SLC6A5: variants seen among roughly 807,000 people sequenced by gnomAD.
SLC6A5 encodes sodium- and chloride-dependent glycine transporter 2.
SLC6A5 carries 58 observed loss-of-function variants against 90.5 expected under a neutral mutation model. The ratio of observed to expected loss-of-function variants is 0.64; its 90% CI spans 0.52 to 0.80. The LOEUF is 0.80. Ranked by LOEUF, SLC6A5 falls within the 30% of genes least tolerant of loss-of-function variation. The pLI, the probability that SLC6A5 is intolerant of heterozygous loss-of-function variation, is 0.00. For synonymous variants in SLC6A5, 427 were observed against 401.4 expected, an observed-to-expected ratio of 1.06 and a Z score of -0.76; for missense variants, 1,015 against 1,017.6, an observed-to-expected ratio of 1.00 and a Z score of 0.03.
chr11:20,626,557 T>A, intron 7 of SLC6A5, 151 bp from the exon 8 acceptor site: 3 of 806,518 alleles, frequency 3.7e-6, no homozygotes, highest in Non-Finnish European at 6.1e-6. Context: ...GTGCCTTCCC[T>A]GCTTCCCCAG....
Position 20,655,084 on chromosome 11 carries a change from A to G in SLC6A5, c.*216A>G. On this transcript the variant is annotated 3_prime_UTR_variant, in exon 16 of 16. Coordinates refer to ENST00000525748, the MANE Select transcript of SLC6A5 (RefSeq NM_004211.5). Reference sequence around the variant, plus strand: ...CCTGAAGCGCTGTTTGCCTGTGCCCATGGTGACTGTTTCTGGTCAGGTTGG... The same window carrying G: ...CCTGAAGCGCTGTTTGCCTGTGCCCGTGGTGACTGTTTCTGGTCAGGTTGG... 1 of 581,690 alleles carries G rather than the reference A, an allele frequency of 1.7e-6. No homozygotes were observed. The highest frequency in any genetic ancestry group is 3.2e-6 in the Non-Finnish European group (1 of 316,562). The allele number at this position is 581,690 out of a possible 1,614,324, so 36.0% of individuals were successfully genotyped here. A position where few individuals can be genotyped will look rare whatever the true frequency, so the allele number is the denominator to read the frequency against.
chr11:20,601,224 G>A lies in SLC6A5; in HGVS notation c.99G>A (p.Arg33=), dbSNP rs547285018. 3 of 1,582,480 alleles carry A rather than the reference G, an allele frequency of 1.9e-6. No homozygotes were observed. In the African/African-American group the frequency reaches 4.0e-5, roughly 21 times the overall value. ...ACCCGGATGGCCCATGCGCTCCCAG[G>A]ACGAGCCCGGAGCAGGAGCTTCCCG... is the stretch of plus-strand genomic sequence containing the variant. The part of the protein sequence containing the change: ...QGHPDGPCAP[R]TSPEQELPAA... Residue 33 remains arginine, a synonymous_variant, in exon 2 of 16, where the codon AGG becomes AGA. Transcript: ENST00000525748.
At chr11:20,626,237 C>T (rs143837432) in intron 7 of SLC6A5, among the ~76,000 whole-genome samples, 11 of 152,310 alleles carry the variant, frequency 7.2e-5, no homozygotes, top group African/African-American at 1.7e-4. Flanking sequence ...AACCTAAATG[C>T]GTCTAATTCT....
At chr11:20,636,238 C>G in intron 10 of SLC6A5, 69 bp from the exon 11 acceptor site, 1 of 892,934 alleles carries the variant, frequency 1.1e-6, no homozygotes, top group South Asian at 1.3e-5. Context: ...AGAGAGAAGG[C>G]CCTCTGGGCT....
chr11:20,647,560 T>C (rs1023239871), intron 14 of SLC6A5, among the ~76,000 whole-genome samples: 8 of 151,810 alleles, frequency 5.3e-5, no homozygotes, highest in Non-Finnish European at 8.8e-5. Flanking sequence ...TATGTACTAA[T>C]AATGGCTTAC....
chr11:20,602,834 A>G (rs1438866443), intron 2 of SLC6A5, among the ~76,000 whole-genome samples: 1 of 152,216 alleles, frequency 6.6e-6, no homozygotes, highest in Non-Finnish European at 1.5e-5. Context: ...TTTTCTATGT[A>G]TATTATCTGC....
At position 20,604,377 on chromosome 11, in the gene SLC6A5, T is replaced by TG; in HGVS notation, c.635dup (p.Asn213GlnfsTer111). 1.2e-6 allele frequency: 2 copies of TG among 1,613,984 alleles called. No homozygotes were observed. Among genetic ancestry groups the TG allele is most frequent in the Non-Finnish European group, 1.7e-6 (2 of 1,179,936 alleles). ...TCCATGGTGGGGTACGCAGTGGGGC[T>TG]GGGCAATGTCTGGAGGTTTCCCTAC... On this transcript the variant is annotated frameshift_variant, in exon 3 of 16. Coordinates refer to ENST00000525748, the MANE Select transcript of SLC6A5 (RefSeq NM_004211.5). LOFTEE classifies it high-confidence loss of function.
At chr11:20,624,245 C>A (rs7950132) in intron 7 of SLC6A5, among the ~76,000 whole-genome samples, 40,234 of 151,352 alleles carry the variant, frequency 0.27, 5,363 homozygotes, top group Middle Eastern at 0.33. Context: ...CCTCTGCCTC[C>A]TGAGTTCAAG....
intron 7 of SLC6A5, among the ~76,000 whole-genome samples, chr11:20,618,179 A>G (rs1852820634): frequency 6.6e-6 from 1 of 152,134 alleles, no homozygotes; most frequent in South Asian, 2.1e-4. Flanking sequence ...GCTGCCACTC[A>G]TTCAGCAGAA....
At chr11:20,651,297 C>T (rs1015276840) in intron 14 of SLC6A5, among the ~76,000 whole-genome samples, 1 of 139,684 alleles carries the variant, frequency 7.2e-6, no homozygotes, top group Non-Finnish European at 1.5e-5. Context: ...TTCCTGAGAC[C>T]GAGACGCGCC....
At chr11:20,637,349 G>T (rs1449293388) in intron 12 of SLC6A5, 46 bp downstream of exon 12, 1 of 1,547,814 alleles carries the variant, frequency 6.5e-7, no homozygotes, top group Non-Finnish European at 8.9e-7. Context: ...GCAGGAGGGT[G>T]GGGGGCCAAT....
rs146704790 is a variant in SLC6A5, at chr11:20,658,365, G to C, written c.*3497G>C. On this transcript the variant is annotated 3_prime_UTR_variant, in exon 16 of 16. Coordinates refer to ENST00000525748, the MANE Select transcript of SLC6A5 (RefSeq NM_004211.5). ...TACTACTGTTGTTGCACCTGGATTTGAGTTGGGACATGCTTCTTTGAGGCA... is the reference window on the plus strand; with the variant it reads ...TACTACTGTTGTTGCACCTGGATTTCAGTTGGGACATGCTTCTTTGAGGCA... The C allele has an allele frequency of 1.3e-5, 2 of 152,206 alleles. No homozygotes were observed. Among genetic ancestry groups the C allele is most frequent in the Non-Finnish European group, 1.5e-5 (1 of 68,054 alleles). The allele number at this position is 152,206 out of a possible 1,614,324, so 9.4% of individuals were successfully genotyped here.
At chr11:20,647,639 C>G (rs1427375915) in intron 14 of SLC6A5, among the ~76,000 whole-genome samples, 1 of 152,002 alleles carries the variant, frequency 6.6e-6, no homozygotes, top group African/African-American at 2.4e-5. Context: ...TATGTATAGC[C>G]TCATCTCTCC....
intron 4 of SLC6A5, 43 bp from the exon 5 acceptor site, chr11:20,607,436 G>A (rs1852604947): frequency 1.2e-6 from 2 of 1,609,586 alleles, no homozygotes; most frequent in East Asian, 2.2e-5. Flanking sequence ...GAATTCCATA[G>A]CATTTAAGAT....
intron 7 of SLC6A5, among the ~76,000 whole-genome samples, chr11:20,619,315 G>A (rs570100116): frequency 2.6e-5 from 4 of 152,332 alleles, no homozygotes; most frequent in South Asian, 2.1e-4. Flanking sequence ...CACATAGACC[G>A]AACTGTCTTC....
intron 5 of SLC6A5, among the ~76,000 whole-genome samples, chr11:20,614,427 G>A (rs1852747431): frequency 6.6e-6 from 1 of 152,238 alleles, no homozygotes. Context: ...CTACCACATA[G>A]AGAGTGTTCT....
intron 13 of SLC6A5, among the ~76,000 whole-genome samples, chr11:20,640,473 G>C (rs1853290852): frequency 6.6e-6 from 1 of 152,012 alleles, no homozygotes; most frequent in Non-Finnish European, 1.5e-5. Flanking sequence ...TTAGTCCCTG[G>C]GCTATGTTAA....
intron 7 of SLC6A5, among the ~76,000 whole-genome samples, chr11:20,622,069 C>T (rs1852901415): frequency 1.3e-5 from 2 of 152,196 alleles, no homozygotes; most frequent in Admixed American, 1.3e-4. Context: ...CCAACAGGCT[C>T]AGATGGGCGA....
intron 5 of SLC6A5, among the ~76,000 whole-genome samples, chr11:20,610,220 A>T (rs957662548): frequency 1.3e-5 from 2 of 152,212 alleles, no homozygotes; most frequent in African/African-American, 4.8e-5. Context: ...TGGGCCGCAG[A>T]GCTCTCTGAT....
Sources: allele counts gnomAD v4.1 joint callset (sites outside exome capture counted in the v4.1 genomes callset), GRCh38; gene constraint gnomAD v4.1.1; transcripts MANE v1.5; gene names NCBI Gene and HGNC (gene_info 2026-07-23, HGNC 2026-07-21).